Variants in LIPC observed in about 807,000 individuals in gnomAD.
LIPC encodes hepatic triacylglycerol lipase.
Under a neutral mutation model 50.7 loss-of-function variants are expected in LIPC, and 44 were observed. The observed-to-expected ratio is 0.87, with a 90% CI of 0.68 to 1.11. The LOEUF (loss-of-function observed/expected upper bound fraction) is 1.11, where lower values mean the gene tolerates loss of function less well. LIPC is among the 50% of genes most tolerant of loss of function. The pLI, the probability that LIPC is intolerant of heterozygous loss-of-function variation, is 0.00. For missense variants in LIPC, 697 were observed against 648.2 expected (o/e 1.08, Z -0.82); for synonymous variants, 271 against 256.4 (o/e 1.06, Z -0.54).
chr15:58,453,284 C>T (rs1289587521), intron 1 of LIPC, among the ~76,000 whole-genome samples: 1 of 152,162 alleles, frequency 6.6e-6, no homozygotes, highest in East Asian at 1.9e-4. Flanking sequence ...ATCCTCATAT[C>T]CCCAGCACCA....
chr15:58,451,870 G>T (rs72740886), intron 1 of LIPC, among the ~76,000 whole-genome samples: 1 of 152,174 alleles, frequency 6.6e-6, no homozygotes, highest in Non-Finnish European at 1.5e-5. Context: ...GTGGGCTATC[G>T]TAGCTAAGCT....
In LIPC at chr15:58,545,974, T is replaced by C. The variant is rs1893516048; in HGVS notation, c.807T>C (p.Asn269=). The change falls in exon 5 of 9, where the codon AAT becomes AAC. Residue 269 remains asparagine, a splice_region_variant and synonymous_variant. Coordinates refer to ENST00000299022, the MANE Select transcript of LIPC (RefSeq NM_000236.3). ...LYRHIAQHGF[N]AITQTIKCSH... ...GACATATTGCCCAGCACGGCTTCAATGGTGAGAATGAAGTCATGGGCCGGG... is the reference window on the plus strand; with the variant it reads ...GACATATTGCCCAGCACGGCTTCAACGGTGAGAATGAAGTCATGGGCCGGG... The C allele has an allele frequency of 1.2e-6, 2 of 1,611,044 alleles. No homozygotes were observed. The highest frequency in any genetic ancestry group is 1.7e-6 in the Non-Finnish European group (2 of 1,177,198).
At position 58,569,355 on chromosome 15, in the gene LIPC, C is replaced by A. The variant is rs1894482905; in HGVS notation, c.*528C>A. ...ATTTATACAAATCATATAACGATTT[C>A]ACAGAACCAAACACTTACAAGTAGA... On this transcript the variant is annotated 3_prime_UTR_variant, in exon 9 of 9. Transcript: ENST00000299022. 1 of 152,108 alleles carries A rather than the reference C, an allele frequency of 6.6e-6. No homozygotes were observed. Among genetic ancestry groups the A allele is most frequent in the African/African-American group, 2.4e-5 (1 of 41,416 alleles). The allele number at this position is 152,108 out of a possible 1,614,324, so 9.4% of individuals were successfully genotyped here. A position where few individuals can be genotyped will look rare whatever the true frequency, so the allele number is the denominator to read the frequency against.
intron 3 of LIPC, 34 bp from the exon 4 acceptor site, chr15:58,542,500 C>G (rs1218240039): frequency 7.1e-7 from 1 of 1,410,200 alleles, no homozygotes; most frequent in African/African-American, 1.4e-5. Flanking sequence ...CCAGGCAGCT[C>G]TTCTCCTGCC....
At chr15:58,436,725 G>A (rs1455112684) in intron 1 of LIPC, 1 of 456,174 alleles carries the variant, frequency 2.2e-6, no homozygotes, top group African/African-American at 2.0e-5. Flanking sequence ...AGAGGAATGA[G>A]TAGAGAAGCA....
At chr15:58,566,875 A>G (rs1216844769) in intron 8 of LIPC, among the ~76,000 whole-genome samples, 1 of 152,182 alleles carries the variant, frequency 6.6e-6, no homozygotes, top group Non-Finnish European at 1.5e-5. Flanking sequence ...GAGTTAGTAA[A>G]GATGTGGAGA....
At chr15:58,540,572 T>C (rs1893285668) in intron 2 of LIPC, among the ~76,000 whole-genome samples, 1 of 152,184 alleles carries the variant, frequency 6.6e-6, no homozygotes, top group African/African-American at 2.4e-5. Flanking sequence ...GAATGCATCT[T>C]ACCCTGGAAT....
intron 1 of LIPC, among the ~76,000 whole-genome samples, chr15:58,523,638 G>C (rs1295177634): frequency 6.6e-6 from 1 of 152,072 alleles, no homozygotes; most frequent in African/African-American, 2.4e-5. Flanking sequence ...TATTTTTCAG[G>C]CCAGGCACAG....
intron 6 of LIPC, among the ~76,000 whole-genome samples, chr15:58,557,934 A>G (rs895539386): frequency 6.6e-6 from 1 of 152,146 alleles, no homozygotes; most frequent in African/African-American, 2.4e-5. Flanking sequence ...CATTTGTTAC[A>G]GAGTTTCCTT....
chr15:58,554,855 G>A (rs1163761305), intron 6 of LIPC, among the ~76,000 whole-genome samples: 1 of 152,142 alleles, frequency 6.6e-6, no homozygotes, highest in Non-Finnish European at 1.5e-5. Flanking sequence ...CTCCAAAAAA[G>A]GGCAGTCATG....
chr15:58,471,329 G>GGGGT (rs1555399300), intron 1 of LIPC, among the ~76,000 whole-genome samples: 6 of 7,398 alleles, frequency 8.1e-4, no homozygotes, highest in South Asian at 6.4e-3. Flanking sequence ...TAGTAGAGAT[G>GGGGT]GGGGGGGGTG....
At chr15:58,443,383 T>C (rs1893571408) in intron 1 of LIPC, among the ~76,000 whole-genome samples, 1 of 152,104 alleles carries the variant, frequency 6.6e-6, no homozygotes, top group African/African-American at 2.4e-5. Context: ...ACCCCTCACA[T>C]CTCAGCCTCC....
chr15:58,452,591 A>G (rs1893942631), intron 1 of LIPC, among the ~76,000 whole-genome samples: 1 of 152,222 alleles, frequency 6.6e-6, no homozygotes, highest in African/African-American at 2.4e-5. Flanking sequence ...CTAAAGCCTC[A>G]ATCTCACATC....
intron 1 of LIPC, among the ~76,000 whole-genome samples, chr15:58,515,001 T>C (rs1892441569): frequency 1.3e-5 from 2 of 152,100 alleles, no homozygotes; most frequent in East Asian, 3.8e-4. Context: ...ACAGAATCCG[T>C]TTCCTCACCT....
intron 1 of LIPC, among the ~76,000 whole-genome samples, chr15:58,512,121 G>T (rs1365043439): frequency 6.8e-6 from 1 of 147,608 alleles, no homozygotes; most frequent in Non-Finnish European, 1.5e-5. Context: ...TTTTTGAGAC[G>T]GAGTCTCAAT....
At chr15:58,435,297 T>C (rs896070548) in intron 1 of LIPC, 3 of 152,220 alleles carry the variant, frequency 2.0e-5, no homozygotes, top group African/African-American at 2.4e-5. Flanking sequence ...TGTTGTGATG[T>C]ATTGCTTTGT....
chr15:58,509,155 T>C (rs1483180904), intron 1 of LIPC, among the ~76,000 whole-genome samples: 1 of 152,218 alleles, frequency 6.6e-6, no homozygotes, highest in African/African-American at 2.4e-5. Flanking sequence ...TTCTCCTCAG[T>C]GTTGTCTGGG....
intron 7 of LIPC, among the ~76,000 whole-genome samples, chr15:58,563,049 G>A (rs1227415452): frequency 2.0e-5 from 3 of 152,158 alleles, no homozygotes; most frequent in Admixed American, 2.0e-4. Context: ...TTCTATTACT[G>A]TTATGCCTCA....
At chr15:58,500,108 T>C (rs747482776) in intron 1 of LIPC, among the ~76,000 whole-genome samples, 1 of 151,946 alleles carries the variant, frequency 6.6e-6, no homozygotes, top group Admixed American at 6.6e-5. Flanking sequence ...GATCCCCACA[T>C]CCCTCAACAG....
Sources: allele counts gnomAD v4.1 joint callset (sites outside exome capture counted in the v4.1 genomes callset), GRCh38; gene constraint gnomAD v4.1.1; transcripts MANE v1.5; gene names NCBI Gene and HGNC (gene_info 2026-07-23, HGNC 2026-07-21).